The following NGF variants were observed in gnomAD, a reference collection of about 807,000 sequenced individuals.
The protein encoded by NGF is beta-nerve growth factor.
Under a neutral mutation model 12.8 loss-of-function variants are expected in NGF, and 4 were observed. The observed-to-expected ratio is 0.31, with a 90% CI of 0.15 to 0.72. The LOEUF is 0.72. Ranked by LOEUF, NGF falls within the 30% of genes least tolerant of loss-of-function variation. The pLI, the probability that NGF is intolerant of heterozygous loss-of-function variation, is 0.69. For synonymous variants in NGF, 140 were observed against 130.0 expected, an observed-to-expected ratio of 1.08 and a Z score of -0.52; for missense variants, 283 against 330.8, an observed-to-expected ratio of 0.86 and a Z score of 1.12.
At chr1:115,301,549 T>C (rs534902320) in intron 1 of NGF, among the ~76,000 whole-genome samples, 1 of 152,306 alleles carries the variant, frequency 6.6e-6, no homozygotes, top group East Asian at 1.9e-4. Context: ...ATGCCTCCTG[T>C]TCATCCCATG....
At position 115,315,573 on chromosome 1, in the gene NGF, A is replaced by G. The variant is rs1449732678; in HGVS notation, c.-136-21823T>C. Among the ~76,000 whole-genome samples the G allele has an allele frequency of 4.6e-5, 7 of 152,148 alleles. No individual in the cohort carries two copies. In the East Asian group the frequency reaches 1.4e-3, roughly 29 times the overall value. On this transcript the variant is annotated intron_variant, in intron 1 of 2. Transcript: ENST00000369512. ...GAACAGGATTGAAGGCAGAATCAAG[A>G]GTTTAGGTTTGAAAGTGTCAAATTT...
intron 1 of NGF, among the ~76,000 whole-genome samples, chr1:115,300,840 G>T (rs1654014047): frequency 6.6e-6 from 1 of 152,212 alleles, no homozygotes; most frequent in Non-Finnish European, 1.5e-5. Flanking sequence ...CCTGTGCATG[G>T]CTTTAACTAT....
chr1:115,320,600 G>C (rs184801465), intron 1 of NGF, among the ~76,000 whole-genome samples: 1 of 152,314 alleles, frequency 6.6e-6, no homozygotes, highest in Non-Finnish European at 1.5e-5. Context: ...GAAAAAGTGG[G>C]ATGGCGCAAT....
At chr1:115,327,949 C>T (rs1049703111) in intron 1 of NGF, among the ~76,000 whole-genome samples, 13 of 152,198 alleles carry the variant, frequency 8.5e-5, no homozygotes, top group Non-Finnish European at 1.6e-4. Flanking sequence ...GAAGAGGATA[C>T]ACTTAAAAAG....
At chr1:115,317,232 G>A (rs904358847) in intron 1 of NGF, among the ~76,000 whole-genome samples, 1 of 152,110 alleles carries the variant, frequency 6.6e-6, no homozygotes, top group African/African-American at 2.4e-5. Flanking sequence ...CTCGAGTGTT[G>A]TGCATCTGAT....
At chr1:115,289,391 A>G (rs1653615163) in intron 2 of NGF, among the ~76,000 whole-genome samples, 1 of 152,164 alleles carries the variant, frequency 6.6e-6, no homozygotes, top group Non-Finnish European at 1.5e-5. Context: ...TAAGGGACAT[A>G]CCTCTCCCTA....
chr1:115,295,477 C>A (rs181769980), intron 1 of NGF, among the ~76,000 whole-genome samples: 2 of 152,088 alleles, frequency 1.3e-5, no homozygotes, highest in South Asian at 4.1e-4. Context: ...GGGAGAATGG[C>A]GTGTCCCCAG....
chr1:115,289,199 T>TA (rs1390226825), intron 2 of NGF, among the ~76,000 whole-genome samples: 4 of 152,310 alleles, frequency 2.6e-5, no homozygotes, highest in Non-Finnish European at 5.9e-5. Flanking sequence ...TCTAAACCTT[T>TA]TACTTTTGCT....
rs1024732821 is a variant in NGF, at chr1:115,302,149, A to G, written c.-136-8399T>C. Among the ~76,000 whole-genome samples the G allele has an allele frequency of 4.6e-5, 7 of 152,348 alleles. No homozygotes were observed. In the South Asian group the frequency reaches 1.5e-3, roughly 32 times the overall value. Reference sequence around the variant, plus strand: ...TTCAACCCAAGTAAATCATTATTTCATGTTATACTGGGAAATAACAAGTGG... The same window carrying G: ...TTCAACCCAAGTAAATCATTATTTCGTGTTATACTGGGAAATAACAAGTGG... On this transcript the variant is annotated intron_variant, in intron 1 of 2. Coordinates refer to ENST00000369512, the MANE Select transcript of NGF (RefSeq NM_002506.3).
intron 1 of NGF, among the ~76,000 whole-genome samples, chr1:115,327,556 A>G (rs1431780794): frequency 6.6e-6 from 1 of 152,244 alleles, no homozygotes; most frequent in Non-Finnish European, 1.5e-5. Flanking sequence ...AGGTGAAAGG[A>G]AAGGTAATTC....
intron 1 of NGF, among the ~76,000 whole-genome samples, chr1:115,321,300 A>G (rs1382207624): frequency 6.6e-6 from 1 of 152,182 alleles, no homozygotes; most frequent in Non-Finnish European, 1.5e-5. Flanking sequence ...CTTCATAAAT[A>G]GTTGATGAAA....
At chr1:115,335,064 T>C (rs1655072141) in intron 1 of NGF, among the ~76,000 whole-genome samples, 1 of 152,208 alleles carries the variant, frequency 6.6e-6, no homozygotes, top group Non-Finnish European at 1.5e-5. Flanking sequence ...CTCAAAAGCA[T>C]GTAAAGTAGC....
chr1:115,333,714 TTTTCTTTCTTTCCTTCTTTC>T (rs139604780), intron 1 of NGF, among the ~76,000 whole-genome samples: 2,425 of 50,984 alleles, frequency 0.048, 74 homozygotes, highest in East Asian at 0.13. Context: ...TCTTTCTTTC[TTTTCTTTCTTTCCTTCTTTC>T]TTTCTTTCTT....
intron 1 of NGF, among the ~76,000 whole-genome samples, chr1:115,312,255 T>G (rs1030494923): frequency 6.6e-6 from 1 of 152,296 alleles, no homozygotes; most frequent in Non-Finnish European, 1.5e-5. Context: ...TGTACCAATA[T>G]TTGAAAAAGA....
chr1:115,337,279 T>G (rs866574007), intron 1 of NGF, among the ~76,000 whole-genome samples: 4,609 of 69,594 alleles, frequency 0.066, 316 homozygotes, highest in East Asian at 0.22. Flanking sequence ...TTTTTTTTTT[T>G]TTTTTTTTTT....
At chr1:115,314,448 A>C (rs1481872680) in intron 1 of NGF, among the ~76,000 whole-genome samples, 1 of 152,230 alleles carries the variant, frequency 6.6e-6, no homozygotes, top group Non-Finnish European at 1.5e-5. Flanking sequence ...AGAAAAATTA[A>C]CAAACCCTTT....
rs1340822819 is a variant in NGF, at chr1:115,293,724, T to C, written c.-110A>G. ...GGGTCCAGCATGCCATCCAGCCCCT[T>C]GGACTGCACGACCACTGGCCAAAAC... On this transcript the variant is annotated 5_prime_UTR_variant, in exon 2 of 3. Coordinates refer to ENST00000369512, the MANE Select transcript of NGF (RefSeq NM_002506.3). The C allele has an allele frequency of 1.3e-5, 2 of 152,938 alleles. No homozygotes were observed. The highest frequency in any genetic ancestry group is 3.8e-4 in the East Asian group (2 of 5,210). 9.5% of individuals were successfully genotyped at this position (152,938 alleles called of 1,614,324 possible). A position where few individuals can be genotyped will look rare whatever the true frequency, so the allele number is the denominator to read the frequency against.
chr1:115,330,123 C>T (rs144302597), intron 1 of NGF, among the ~76,000 whole-genome samples: 115 of 152,232 alleles, frequency 7.6e-4, no homozygotes, highest in African/African-American at 2.7e-3. Context: ...TGAACTCCTG[C>T]TTGATCTTAG....
Position 115,297,161 on chromosome 1 carries a change from A to G in NGF, c.-136-3411T>C, listed in dbSNP as rs193060233. ...GAAATGCAAATTCTTGGGTTTTACC[A>G]CAAACCTACTGAATCAGAAACTGGG... On this transcript the variant is annotated intron_variant, in intron 1 of 2. Coordinates refer to ENST00000369512, the MANE Select transcript of NGF (RefSeq NM_002506.3). Among the ~76,000 whole-genome samples, 5 of 152,346 alleles carry G rather than the reference A, an allele frequency of 3.3e-5. No homozygotes were observed. In the East Asian group the frequency reaches 9.6e-4, roughly 29 times the overall value.
Sources: gnomAD v4.1 joint callset for allele counts (sites outside exome capture counted in the v4.1 genomes callset) on GRCh38, gnomAD v4.1.1 for gene constraint, MANE v1.5 for transcripts, NCBI Gene and HGNC (gene_info 2026-07-23, HGNC 2026-07-21) for gene names.